PMPCA: variants seen among roughly 807,000 people sequenced by gnomAD.
PMPCA encodes the protein mitochondrial-processing peptidase subunit alpha.
PMPCA carries 47 observed loss-of-function variants against 59.3 expected under a neutral mutation model. The ratio of observed to expected loss-of-function variants is 0.79; its 90% CI spans 0.63 to 1.01. PMPCA has a LOEUF of 1.01. Among genes scored for constraint, PMPCA ranks in the 50% least tolerant of loss-of-function variants. The pLI is 0.00. For synonymous variants in PMPCA, 338 were observed against 290.3 expected, an observed-to-expected ratio of 1.16 and a Z score of -1.67; for missense variants, 726 against 704.5, an observed-to-expected ratio of 1.03 and a Z score of -0.34.
At chr9:136,422,763 T>A in intron 12 of PMPCA, 1 of 1,123,966 alleles carries the variant, frequency 8.9e-7, no homozygotes, top group Non-Finnish European at 1.1e-6. Flanking sequence ...CATGCGGCCC[T>A]CGGGGGCTGG....
In PMPCA at chr9:136,412,819, C is replaced by T. The variant is rs187951510; in HGVS notation, c.364C>T (p.Arg122Ter). ...LEKLAFSSTA[R>*]FDSKDEILLT... ...TATTTATTTTTACTAGTCTACTGCT[C>T]GATTTGACAGCAAAGATGAAATTCT... Residue 122 changes from arginine to a stop codon, truncating the protein, a stop_gained, in exon 4 of 13, where the codon CGA (arginine) becomes TGA (stop). Transcript: ENST00000371717. LOFTEE classifies it high-confidence loss of function. The T allele has an allele frequency of 5.6e-6, 9 of 1,596,996 alleles. No individual in the cohort carries two copies. The highest frequency in any genetic ancestry group is 1.7e-4 in the Middle Eastern group (1 of 6,032).
At chr9:136,415,657 G>T (rs943073311) in intron 5 of PMPCA, among the ~76,000 whole-genome samples, 3 of 152,170 alleles carry the variant, frequency 2.0e-5, no homozygotes, top group African/African-American at 7.2e-5. Context: ...TTTGGAGATA[G>T]AGTCTGTCTC....
chr9:136,415,880 AC>A, intron 5 of PMPCA, among the ~76,000 whole-genome samples: 1 of 151,910 alleles, frequency 6.6e-6, no homozygotes, highest in Non-Finnish European at 1.5e-5. Context: ...TGATCCACCC[AC>A]CTCGGCCTCC....
At chr9:136,420,829 T>C (rs781465466) in intron 11 of PMPCA, 2 of 152,176 alleles carry the variant, frequency 1.3e-5, no homozygotes, top group African/African-American at 2.4e-5. Context: ...CGGTGGCTTA[T>C]GCCTGTTTTC....
intron 5 of PMPCA, among the ~76,000 whole-genome samples, chr9:136,415,687 C>T (rs1474196254): frequency 6.6e-6 from 1 of 152,244 alleles, no homozygotes; most frequent in East Asian, 1.9e-4. Flanking sequence ...GGCTGGAATG[C>T]AGTGGCGCGA....
At chr9:136,412,773 G>T (rs751708003) in intron 3 of PMPCA, 37 bp from the exon 4 acceptor site, 1 of 1,255,396 alleles carries the variant, frequency 8.0e-7, no homozygotes, top group South Asian at 1.2e-5. Context: ...GGATAGCCTG[G>T]ATTGCTTATT....
In PMPCA at chr9:136,421,844, C is replaced by A. The variant is rs1402094001; in HGVS notation, c.1276C>A (p.Arg426=). 6.3e-7 allele frequency: 1 copy of A among 1,589,958 alleles called. No individual in the cohort carries two copies. Among genetic ancestry groups the A allele is most frequent in the African/African-American group, 1.3e-5 (1 of 74,670 alleles). The change falls in exon 12 of 13, where the codon CGA becomes AGA. Residue 426 remains arginine, a synonymous_variant. Transcript: ENST00000371717. ...ACCCTGGCCCCAGGTGGAGCTGGAACGAGCCAAGACGCAGCTGACATCAAT... is the reference window on the plus strand; with the variant it reads ...ACCCTGGCCCCAGGTGGAGCTGGAAAGAGCCAAGACGCAGCTGACATCAAT... ...GGTVDTVELE[R]AKTQLTSMLM...
rs936194912 is a variant in PMPCA at position 136,417,479 on chromosome 9, T to C, written c.897+265T>C. ...CTGCCACTGCGTGTTGCATTTTTTT[T>C]TTTTTTTTTTAGAGATGGAGCCTCG... On this transcript the variant is annotated intron_variant, in intron 7 of 12. Coordinates refer to ENST00000371717, the MANE Select transcript of PMPCA (RefSeq NM_015160.3). Among the ~76,000 whole-genome samples the C allele has an allele frequency of 4.6e-5, 7 of 151,892 alleles. No individual in the cohort carries two copies. The East Asian group carries it at 5.8e-4, about 13-fold the overall frequency.
chr9:136,421,779 T>TGGAAGGTGGCACGGGGC (rs2131595801), intron 11 of PMPCA, 53 bp from the exon 12 acceptor site: 2 of 1,493,438 alleles, frequency 1.3e-6, no homozygotes, highest in Admixed American at 3.9e-5. Flanking sequence ...GAGTGGGGGG[T>TGGAAGGTGGCACGGGGC]GGAAGGTGGC....
chr9:136,422,031 G>GAGGCCGTCTCGCCCTCCCGC, intron 12 of PMPCA, 55 bp downstream of exon 12: 2 of 1,564,044 alleles, frequency 1.3e-6, no homozygotes, highest in Admixed American at 1.9e-5. Context: ...AGGCTCAGAG[G>GAGGCCGTCTCGCCCTCCCGC]AGGCCGTCTC....
chr9:136,416,043 C>G (rs902094044), intron 5 of PMPCA: 1 of 575,912 alleles, frequency 1.7e-6, no homozygotes, highest in Non-Finnish European at 3.1e-6. Context: ...GAAGCCAGGG[C>G]TTAGCAGGCT....
rs186288796 is a variant in PMPCA at position 136,418,174 on chromosome 9, C to T, written c.990+65C>T. The T allele has an allele frequency of 6.1e-4, 714 of 1,175,300 alleles. 2 individuals carry two copies. The highest frequency in any genetic ancestry group is 7.8e-4 in the Non-Finnish European group (608 of 780,026). The allele number at this position is 1,175,300 out of a possible 1,614,324, so 72.8% of individuals were successfully genotyped here. On this transcript the variant is annotated intron_variant, in intron 8 of 12. Coordinates refer to ENST00000371717, the MANE Select transcript of PMPCA (RefSeq NM_015160.3). ...GTGTGGCCGGCTCAGCCAGCCCTGC[C>T]CTCTGTCCCTGGCATCCGACAGCGC...
Position 136,418,579 on chromosome 9 carries a change from G to C in PMPCA, c.1015G>C (p.Val339Leu). 1 of 1,613,148 alleles carries C rather than the reference G, an allele frequency of 6.2e-7. No individual in the cohort carries two copies. Among genetic ancestry groups the C allele is most frequent in the Non-Finnish European group, 8.5e-7 (1 of 1,179,034 alleles). Residue 339 changes from valine (V) to leucine (L), a missense_variant, in exon 9 of 13, where the codon GTG becomes CTG. Physicochemically the swap from Val to Leu is conservative, Grantham distance 32. Transcript: ENST00000371717. The part of the protein sequence containing the change: ...FLEEDFIPFA[V>L]LNMMMGGGGS... ...GGAGGAGGACTTCATCCCCTTTGCA[G>C]TGTTGAACATGATGATGGGCGGAGG...
chr9:136,412,842 T>C lies in PMPCA; in HGVS notation c.387T>C (p.Ile129=). Residue 129 remains isoleucine (I), a synonymous_variant, in exon 4 of 13, where the codon ATT becomes ATC. Coordinates refer to ENST00000371717, the MANE Select transcript of PMPCA (RefSeq NM_015160.3). The part of the protein sequence containing the change: ...STARFDSKDE[I]LLTLEKHGGI... Reference sequence around the variant, plus strand: ...CTCGATTTGACAGCAAAGATGAAATTCTGCTTACGTTGGAAAAGCATGGGG... The same window carrying C: ...CTCGATTTGACAGCAAAGATGAAATCCTGCTTACGTTGGAAAAGCATGGGG... 1 of 1,610,048 alleles carries C rather than the reference T, an allele frequency of 6.2e-7. No homozygotes were observed. The highest frequency in any genetic ancestry group is 8.5e-7 in the Non-Finnish European group (1 of 1,176,294).
In PMPCA at chr9:136,416,984, C is replaced by T. The variant is rs771359205; in HGVS notation, c.667C>T (p.Arg223Cys). ...AYRENTVGLH[R>C]FCPTENVAKI... ...CAGGGAGAACACAGTTGGCCTCCAC[C>T]GTTTCTGCCCCACAGAAAACGTAGC... The change falls in exon 7 of 13, where the codon CGT becomes TGT. Residue 223 changes from arginine to cysteine, a missense_variant. Transcript: ENST00000371717. 1.1e-5 allele frequency: 17 copies of T among 1,612,006 alleles called. No homozygotes were observed. The highest frequency in any genetic ancestry group is 2.2e-5 in the East Asian group (1 of 44,896).
At chr9:136,410,920 C>G (rs1269987285) in intron 1 of PMPCA, among the ~76,000 whole-genome samples, 181 bp downstream of exon 1, 3 of 152,258 alleles carry the variant, frequency 2.0e-5, no homozygotes, top group African/African-American at 7.2e-5. Context: ...CCCGGGGACG[C>G]AGTCCCATCT....
At chr9:136,421,761 C>T (rs1835457091) in intron 11 of PMPCA, 71 bp from the exon 12 acceptor site, 7 of 1,405,930 alleles carry the variant, frequency 5.0e-6, no homozygotes, top group Admixed American at 2.1e-5. Flanking sequence ...GGCGTTTTGC[C>T]ATTGCTCGAG....
At position 136,412,025 on chromosome 9, in the gene PMPCA, A is replaced by G; in HGVS notation, c.100A>G (p.Ser34Gly). 3.1e-6 allele frequency: 5 copies of G among 1,612,916 alleles called. No individual in the cohort carries two copies. The highest frequency in any genetic ancestry group is 1.7e-4 in the Middle Eastern group (1 of 6,052). Residue 34 changes from serine to glycine, a missense_variant, in exon 2 of 13, where the codon AGT (serine) becomes GGT (glycine). Ser to Gly is a moderately conservative substitution (Grantham distance 56, BLOSUM62 0). Coordinates refer to ENST00000371717, the MANE Select transcript of PMPCA (RefSeq NM_015160.3). ...RFGPPAYRRF[S>G]SGGAYPNIPL... The stretch of plus-strand genomic sequence containing the variant: ...TGGACCTCCTGCGTACAGACGGTTT[A>G]GTAGTGGTGGTGCCTATCCCAACAT...
chr9:136,418,092 G>A lies in PMPCA; in HGVS notation c.973G>A (p.Glu325Lys). 1 of 1,612,846 alleles carries A rather than the reference G, an allele frequency of 6.2e-7. No individual in the cohort carries two copies. The highest frequency in any genetic ancestry group is 8.5e-7 in the Non-Finnish European group (1 of 1,178,776). ...GCTCACGCACATCATGGTTGGACTG[G>A]AGAGCTGCTCCTTCCTGGTGAGTCC... is the stretch of plus-strand genomic sequence containing the variant. ...PELTHIMVGL[E>K]SCSFLEEDFI... Residue 325 changes from glutamate to lysine, a missense_variant, in exon 8 of 13, where the codon GAG becomes AAG. By Grantham distance (56) the Glu-to-Lys change is moderately conservative. Coordinates refer to ENST00000371717, the MANE Select transcript of PMPCA (RefSeq NM_015160.3).
Sources: allele counts gnomAD v4.1 joint callset (sites outside exome capture counted in the v4.1 genomes callset), GRCh38; gene constraint gnomAD v4.1.1; transcripts MANE v1.5; gene names NCBI Gene and HGNC (gene_info 2026-07-23, HGNC 2026-07-21).